BBS9: variants seen among roughly 807,000 people sequenced by gnomAD.
BBS9 encodes the protein Bardet-Biedl syndrome 9, also known as protein PTHB1.
A neutral mutation model predicts 117.7 loss-of-function variants in BBS9; 89 were observed. The observed-to-expected ratio is 0.76, with a 90% CI of 0.64 to 0.90. BBS9 has a LOEUF of 0.90. Ranked by LOEUF, BBS9 falls within the 40% of genes least tolerant of loss-of-function variation. BBS9 has a pLI of 0.00. For synonymous variants in BBS9, 379 were observed against 370.9 expected (o/e 1.02, Z -0.25); for missense variants, 982 against 1,042.2 (o/e 0.94, Z 0.80).
chr7:33,240,033 G>T (rs1794213087), intron 5 of BBS9, among the ~76,000 whole-genome samples: 1 of 152,058 alleles, frequency 6.6e-6, no homozygotes, highest in African/African-American at 2.4e-5. Flanking sequence ...TTGGTTTACA[G>T]TAGGGCTCCA....
intron 5 of BBS9, among the ~76,000 whole-genome samples, chr7:33,207,493 G>A (rs913747610): frequency 6.6e-6 from 1 of 150,564 alleles, no homozygotes; most frequent in Non-Finnish European, 1.5e-5. Flanking sequence ...TTGGCCAGTG[G>A]GAGCCTCTTT....
At chr7:33,567,549 T>G (rs1355687997) in intron 21 of BBS9, among the ~76,000 whole-genome samples, 1 of 152,156 alleles carries the variant, frequency 6.6e-6, no homozygotes, top group East Asian at 1.9e-4. Context: ...CTTCTCTGCT[T>G]AGCCTGAGAA....
At chr7:33,425,100 A>ACAT (rs1833462664) in intron 19 of BBS9, among the ~76,000 whole-genome samples, 1 of 152,162 alleles carries the variant, frequency 6.6e-6, no homozygotes, top group Non-Finnish European at 1.5e-5. Context: ...TACAGTAAAC[A>ACAT]CATAGAAGAG....
chr7:33,343,934 T>C (rs931889746), intron 11 of BBS9, among the ~76,000 whole-genome samples: 1 of 152,054 alleles, frequency 6.6e-6, no homozygotes, highest in East Asian at 1.9e-4. Context: ...TGGCATAATA[T>C]TTTTCTGGGA....
chr7:33,324,870 C>CATTTG (rs1250010067), intron 9 of BBS9, among the ~76,000 whole-genome samples: 1 of 152,048 alleles, frequency 6.6e-6, no homozygotes, highest in East Asian at 1.9e-4. Flanking sequence ...CATTGTAGGG[C>CATTTG]ATTTGTTTCT....
At chr7:33,317,225 C>G (rs767368887) in intron 9 of BBS9, among the ~76,000 whole-genome samples, 3 of 152,032 alleles carry the variant, frequency 2.0e-5, no homozygotes, top group Non-Finnish European at 2.9e-5. Context: ...AGTCTCATGC[C>G]AATACCACAT....
chr7:33,411,921 G>A (rs1430104103), intron 19 of BBS9, among the ~76,000 whole-genome samples: 1 of 152,082 alleles, frequency 6.6e-6, no homozygotes, highest in Non-Finnish European at 1.5e-5. Context: ...ATAATTATAA[G>A]CATGGACAAA....
intron 19 of BBS9, among the ~76,000 whole-genome samples, chr7:33,412,951 A>G (rs1017917838): frequency 6.6e-6 from 1 of 152,180 alleles, no homozygotes; most frequent in African/African-American, 2.4e-5. Flanking sequence ...TTTTATGTAA[A>G]ATTTTGAAAG....
intron 9 of BBS9, among the ~76,000 whole-genome samples, chr7:33,278,673 T>C (rs1801245933): frequency 1.3e-5 from 2 of 152,256 alleles, no homozygotes; most frequent in South Asian, 4.2e-4. Context: ...TTCTTCACTG[T>C]AATTAGATCT....
intron 21 of BBS9, among the ~76,000 whole-genome samples, chr7:33,617,298 C>A (rs1192490719): frequency 2.0e-5 from 3 of 151,896 alleles, no homozygotes; most frequent in Non-Finnish European, 4.4e-5. Context: ...GAAGTATATA[C>A]CATAACACTA....
intron 5 of BBS9, among the ~76,000 whole-genome samples, chr7:33,209,572 G>T (rs796295713): frequency 1.3e-5 from 2 of 152,128 alleles, no homozygotes; most frequent in South Asian, 2.1e-4. Context: ...GTGTTAGAAG[G>T]TTCCCTTTTC....
intron 5 of BBS9, among the ~76,000 whole-genome samples, chr7:33,211,473 G>T (rs1005444606): frequency 7.0e-6 from 1 of 143,266 alleles, no homozygotes. Flanking sequence ...TCATTCCCCT[G>T]CTTTTTTTTG....
intron 17 of BBS9, among the ~76,000 whole-genome samples, chr7:33,377,112 T>C (rs762731619): frequency 3.3e-5 from 5 of 152,224 alleles, no homozygotes; most frequent in Non-Finnish European, 5.9e-5. Flanking sequence ...TGTCATGAAA[T>C]CTTTACCAAT....
intron 20 of BBS9, among the ~76,000 whole-genome samples, chr7:33,506,373 A>G (rs1846153243): frequency 6.6e-6 from 1 of 152,216 alleles, no homozygotes; most frequent in Admixed American, 6.5e-5. Flanking sequence ...GGATGAAAAC[A>G]TTTCAAGGGG....
At chr7:33,422,783 T>C (rs1330954497) in intron 19 of BBS9, among the ~76,000 whole-genome samples, 1 of 152,208 alleles carries the variant, frequency 6.6e-6, no homozygotes, top group Admixed American at 6.5e-5. Context: ...TATTTTTATT[T>C]TTTAAAAATA....
chr7:33,290,168 C>G (rs1030468195), intron 9 of BBS9, among the ~76,000 whole-genome samples: 1 of 151,914 alleles, frequency 6.6e-6, no homozygotes, highest in Non-Finnish European at 1.5e-5. Flanking sequence ...TGCTTTTTGC[C>G]TTTTATAAAA....
rs541078739 is a variant in BBS9, at chr7:33,258,076, G to A, written c.617+666G>A. 3.9e-5 allele frequency among the ~76,000 whole-genome samples: 6 copies of A among 152,264 alleles called. 1 individual carries two copies. The South Asian group carries it at 1.0e-3, about 26-fold the overall frequency. ...CAGCTAGATTTAAATAAAAGTCAAG[G>A]TTTTGAGTTTTTGGAGAGTATGTTT... On this transcript the variant is annotated intron_variant, in intron 6 of 22. Coordinates refer to ENST00000242067, the MANE Select transcript of BBS9 (RefSeq NM_198428.3).
At chr7:33,612,907 G>T (rs1864950189) in intron 21 of BBS9, among the ~76,000 whole-genome samples, 1 of 152,044 alleles carries the variant, frequency 6.6e-6, no homozygotes, top group Non-Finnish European at 1.5e-5. Flanking sequence ...GGTGCTTTCT[G>T]ATCTGTGTCA....
intron 19 of BBS9, among the ~76,000 whole-genome samples, chr7:33,406,911 T>G (rs977665646): frequency 6.6e-6 from 1 of 152,202 alleles, no homozygotes; most frequent in African/African-American, 2.4e-5. Flanking sequence ...CAATTATGTG[T>G]CTTGGAGTTG....
Sources: gnomAD v4.1 joint callset for allele counts (sites outside exome capture counted in the v4.1 genomes callset) on GRCh38, gnomAD v4.1.1 for gene constraint, MANE v1.5 for transcripts, NCBI Gene and HGNC (gene_info 2026-07-23, HGNC 2026-07-21) for gene names.